ZC3H4: variants seen among roughly 807,000 people sequenced by gnomAD.
ZC3H4 encodes the protein zinc finger CCCH-type containing 4, also known as zinc finger CCCH domain-containing protein 4.
A neutral mutation model predicts 108.3 loss-of-function variants in ZC3H4; 13 were observed. The observed-to-expected ratio is 0.12, with a 90% confidence interval of 0.08 to 0.19. The LOEUF (loss-of-function observed/expected upper bound fraction) is 0.19. ZC3H4 is among the 10% of genes least tolerant of loss of function. The probability of loss-of-function intolerance (pLI) is 1.00; values close to 1 mark genes in which losing one functional copy is unlikely to be tolerated. For synonymous variants in ZC3H4, 917 were observed against 749.6 expected (o/e 1.22, Z -3.65); for missense variants, 1,734 against 1,838.8 (o/e 0.94, Z 1.04).
At chr19:47,094,193 T>C (rs1350578038) in intron 3 of ZC3H4, 113 bp from the exon 4 acceptor site, 4 of 1,167,922 alleles carry the variant, frequency 3.4e-6, no homozygotes, top group African/African-American at 3.1e-5. Flanking sequence ...GCGCTTCACC[T>C]GAAACACCTC....
At chr19:47,094,716 C>A in intron 2 of ZC3H4, 108 bp from the exon 3 acceptor site, 2 of 1,100,700 alleles carry the variant, frequency 1.8e-6, no homozygotes, top group Non-Finnish European at 1.3e-6. Context: ...CTGCTGTGAG[C>A]GAAGTGAGAC....
At position 47,072,316 on chromosome 19, in the gene ZC3H4, C is replaced by A. The variant is rs776883371; in HGVS notation, c.1802+36G>T. The A allele has an allele frequency of 1.9e-6, 3 of 1,591,412 alleles. No individual in the cohort carries two copies. Among genetic ancestry groups the A allele is most frequent in the Non-Finnish European group, 1.7e-6 (2 of 1,165,390 alleles). Reference sequence around the variant, plus strand: ...AGGAGCCTGGCTGGGCCCAGGACAGCGCCCACTGCCTGTCACGGGGGTCCA... The same window carrying A: ...AGGAGCCTGGCTGGGCCCAGGACAGAGCCCACTGCCTGTCACGGGGGTCCA... On this transcript the variant is annotated intron_variant, in intron 12 of 14. Coordinates refer to ENST00000253048, the MANE Select transcript of ZC3H4 (RefSeq NM_015168.2). This position sits in a 1 kb window ranked among gnomAD's most constrained non-coding sequence, Gnocchi z 5.6.
In ZC3H4 at chr19:47,064,443, T is replaced by C. The variant is rs1254291342; in HGVS notation, c.*1913A>G. 1 of 152,516 alleles carries C rather than the reference T, an allele frequency of 6.6e-6. No homozygotes were observed. Among genetic ancestry groups the C allele is most frequent in the East Asian group, 1.9e-4 (1 of 5,204 alleles). The allele number at this position is 152,516 out of a possible 1,614,324, so 9.4% of individuals were successfully genotyped here. A position where few individuals can be genotyped will look rare whatever the true frequency, so the allele number is the denominator to read the frequency against. On this transcript the variant is annotated 3_prime_UTR_variant, in exon 15 of 15. Coordinates refer to ENST00000253048, the MANE Select transcript of ZC3H4 (RefSeq NM_015168.2). Reference sequence around the variant, plus strand: ...ATTTTTCTTTAAAAGCTCGGCCTGATGGCAAATGAGAATTTCGGGTGAATT... The same window carrying C: ...ATTTTTCTTTAAAAGCTCGGCCTGACGGCAAATGAGAATTTCGGGTGAATT...
chr19:47,073,832 A>C (rs962172496), intron 11 of ZC3H4, among the ~76,000 whole-genome samples: 2 of 152,184 alleles, frequency 1.3e-5, no homozygotes, highest in Non-Finnish European at 2.9e-5. Context: ...TTCACTTAGC[A>C]AAGTGCATCT....
At position 47,067,761 on chromosome 19, in the gene ZC3H4, A is replaced by G. The variant is rs376662504; in HGVS notation, c.2507T>C (p.Val836Ala). 6 of 1,609,390 alleles carry G rather than the reference A, an allele frequency of 3.7e-6. No homozygotes were observed. The highest frequency in any genetic ancestry group is 1.3e-5 in the African/African-American group (1 of 74,842). Reference sequence around the variant, plus strand: ...CAGCCCACTGCTGCTCAGCTCCCCAACTGAAGCCGGGGGTCGGCTGGACGT... The same window carrying G: ...CAGCCCACTGCTGCTCAGCTCCCCAGCTGAAGCCGGGGGTCGGCTGGACGT... ...QQTSSRPPASVGELSSSGLGD... is the reference protein window; with the variant it reads ...QQTSSRPPASAGELSSSGLGD... The change falls in exon 15 of 15, where the codon GTT (valine) becomes GCT (alanine). Residue 836 changes from valine (V) to alanine (A), a missense_variant. Around this residue, in one of 9 missense-constraint regions of ZC3H4, gnomAD observed 540 missense variants for 484.1 expected, o/e 1.12. Transcript: ENST00000253048. The surrounding 1 kb of genome is among the most constrained non-coding windows in gnomAD (Gnocchi z 6.4).
intron 2 of ZC3H4, among the ~76,000 whole-genome samples, chr19:47,097,937 A>G (rs1480323902): frequency 1.3e-5 from 2 of 152,182 alleles, no homozygotes; most frequent in African/African-American, 4.8e-5. Context: ...CGGGAACAAG[A>G]AAGCAACCAC....
intron 4 of ZC3H4, among the ~76,000 whole-genome samples, chr19:47,092,795 C>G (rs545933572): frequency 2.0e-5 from 3 of 150,518 alleles, no homozygotes; most frequent in Non-Finnish European, 4.4e-5. Flanking sequence ...CCAGCCTAGG[C>G]GACAGAGCAA....
At position 47,109,760 on chromosome 19, in the gene ZC3H4, C is replaced by A. The variant is rs541182746; in HGVS notation, c.161+2664G>T. On this transcript the variant is annotated intron_variant, in intron 2 of 14. Coordinates refer to ENST00000253048, the MANE Select transcript of ZC3H4 (RefSeq NM_015168.2). ...TTTTTCCTTGTAAGAAGGAAAAAAA[C>A]AAAACGGTTCTTTTGGAGAGGGCCA... Among the ~76,000 whole-genome samples the A allele has an allele frequency of 1.7e-3, 259 of 152,160 alleles. 2 individuals are homozygous for A. Among genetic ancestry groups the A allele is most frequent in the Admixed American group, 0.017 (257 of 15,290 alleles).
chr19:47,067,420 G>A lies in ZC3H4; in HGVS notation c.2848C>T (p.Arg950Trp), dbSNP rs370715179. ...PLDPLPGHPL[R>W]DPRSQLQQFS... ...TGCTGCAGCTGTGACCGTGGGTCCC[G>A]CAGAGGGTGCCCGGGGAGTGGGTCC... The change falls in exon 15 of 15, where the codon CGG becomes TGG. Residue 950 changes from arginine (R) to tryptophan (W), a missense_variant. Coordinates refer to ENST00000253048, the MANE Select transcript of ZC3H4 (RefSeq NM_015168.2). The surrounding 1 kb of genome is among the most constrained non-coding windows in gnomAD (Gnocchi z 6.4). The A allele has an allele frequency of 5.0e-6, 8 of 1,605,962 alleles. No homozygotes were observed. The highest frequency in any genetic ancestry group is 6.8e-6 in the Non-Finnish European group (8 of 1,175,586).
At chr19:47,081,053 C>A (rs750206011) in intron 11 of ZC3H4, among the ~76,000 whole-genome samples, 2 of 152,022 alleles carry the variant, frequency 1.3e-5, no homozygotes, top group Non-Finnish European at 2.9e-5. Flanking sequence ...CTGCACCCAG[C>A]CCAGCCAATT....
intron 13 of ZC3H4, among the ~76,000 whole-genome samples, chr19:47,070,050 A>C (rs2122696175): frequency 6.6e-6 from 1 of 151,274 alleles, no homozygotes; most frequent in South Asian, 2.1e-4. Flanking sequence ...GCAGGCGTAG[A>C]GGGGAGGGCA....
rs776439279 is a variant in ZC3H4, at chr19:47,067,001, C to T, written c.3267G>A (p.Thr1089=). ...DPRLQKPTDS[T]ASSRAAKPGP... ...CGGGCTTGGCAGCCCGGGAGGAGGC[C>T]GTAGAGTCTGTGGGTTTCTGCAGCC... Residue 1089 remains threonine, a synonymous_variant, in exon 15 of 15, where the codon ACG becomes ACA. Coordinates refer to ENST00000253048, the MANE Select transcript of ZC3H4 (RefSeq NM_015168.2). This position sits in a 1 kb window ranked among gnomAD's most constrained non-coding sequence, Gnocchi z 6.4. 1.8e-5 allele frequency: 28 copies of T among 1,592,146 alleles called. No individual in the cohort carries two copies. Among genetic ancestry groups the T allele is most frequent in the African/African-American group, 5.4e-5 (4 of 74,386 alleles).
chr19:47,093,782 T>G, intron 4 of ZC3H4, 188 bp downstream of exon 4: 1 of 499,418 alleles, frequency 2.0e-6, no homozygotes, highest in Admixed American at 3.4e-5. Context: ...CACTTGGTTG[T>G]CTGGGCTGCC....
chr19:47,084,065 T>C (rs531197339), intron 9 of ZC3H4, among the ~76,000 whole-genome samples: 2 of 152,292 alleles, frequency 1.3e-5, no homozygotes, highest in South Asian at 2.1e-4. Context: ...TCAACCTCCA[T>C]AATTACGTTT....
At chr19:47,093,891 ACAC>A (rs1248440061) in intron 4 of ZC3H4, 76 bp downstream of exon 4, 2 of 1,305,732 alleles carry the variant, frequency 1.5e-6, no homozygotes, top group Non-Finnish European at 2.2e-6. Context: ...AATGCCCAGA[ACAC>A]AGCAAGTGCT....
rs367728761 is a variant in ZC3H4 at position 47,069,066 on chromosome 19, C to T, written c.2398+26G>A. The T allele has an allele frequency of 3.1e-6, 5 of 1,601,298 alleles. No individual in the cohort carries two copies. In the African/African-American group the frequency reaches 4.0e-5, roughly 13 times the overall value. On this transcript the variant is annotated intron_variant, in intron 14 of 14. Transcript: ENST00000253048. ...CCTGCACAGCGGCCTGGGGCCTGTG[C>T]CCCGGCCCCTGGGGCGGACACGTGC...
rs945885183 is a variant in ZC3H4, at chr19:47,069,204, C to T, written c.2286G>A (p.Leu762=). The part of the protein sequence containing the change: ...PKPGAGVPDF[L]PSAQRALYLR... ...GGTACAGGGCCCTCTGGGCTGAGGG[C>T]AGGAAGTCAGGGACACCGGCGCCTG... Residue 762 remains leucine, a synonymous_variant, in exon 14 of 15, where the codon CTG becomes CTA. Transcript: ENST00000253048. 1.2e-6 allele frequency: 2 copies of T among 1,612,286 alleles called. No individual in the cohort carries two copies. The highest frequency in any genetic ancestry group is 2.2e-5 in the East Asian group (1 of 44,870).
At chr19:47,080,520 G>A (rs769917460) in intron 11 of ZC3H4, among the ~76,000 whole-genome samples, 1 of 152,130 alleles carries the variant, frequency 6.6e-6, no homozygotes, top group Non-Finnish European at 1.5e-5. Flanking sequence ...CTTGGAGATG[G>A]CGTCTTGCTC....
intron 2 of ZC3H4, chr19:47,096,935 G>A: frequency 1.0e-6 from 1 of 985,376 alleles, no homozygotes; most frequent in Non-Finnish European, 1.2e-6. Flanking sequence ...GGCACAGCAG[G>A]CGACAGTCTT....
Sources: allele counts gnomAD v4.1 joint callset (sites outside exome capture counted in the v4.1 genomes callset), GRCh38; gene constraint gnomAD v4.1.1; regional missense constraint gnomAD v4.1.1; non-coding constraint Gnocchi (gnomAD v3.1); transcripts MANE v1.5; gene names NCBI Gene and HGNC (gene_info 2026-07-23, HGNC 2026-07-21).